DLGAP2: variants seen among roughly 807,000 people sequenced by gnomAD.
DLGAP2 encodes the protein DLG associated protein 2, also known as disks large-associated protein 2.
In DLGAP2, 26 loss-of-function variants were observed where a neutral mutation model predicts 100.3. That is an observed-to-expected ratio of 0.26 (90% confidence interval 0.19 to 0.36). The LOEUF (loss-of-function observed/expected upper bound fraction) is 0.36. Among genes scored for constraint, DLGAP2 ranks in the 10% least tolerant of loss-of-function variants. The pLI is 1.00. For synonymous variants in DLGAP2, 886 were observed against 630.1 expected (o/e 1.41, Z -6.08); for missense variants, 1,858 against 1,453.2 (o/e 1.28, Z -4.53).
intron 6 of DLGAP2, among the ~76,000 whole-genome samples, chr8:1,588,412 A>C (rs2130662678): frequency 6.6e-6 from 1 of 152,346 alleles, no homozygotes; most frequent in Admixed American, 6.5e-5. Context: ...AGTTTTACTA[A>C]ACAGCTCATC....
intron 2 of DLGAP2, among the ~76,000 whole-genome samples, chr8:1,221,587 C>G (rs1369579053): frequency 6.6e-6 from 1 of 151,986 alleles, no homozygotes; most frequent in Non-Finnish European, 1.5e-5. Context: ...GGATTGTCGT[C>G]TTGTATATTA....
chr8:920,171 G>A (rs1439809468), intron 2 of DLGAP2, among the ~76,000 whole-genome samples: 1 of 152,240 alleles, frequency 6.6e-6, no homozygotes, highest in African/African-American at 2.4e-5. Context: ...GACCACGCAT[G>A]TCATCCAACA....
chr8:1,501,507 C>T lies in DLGAP2; in HGVS notation c.172+76C>T, dbSNP rs1047808404. On this transcript the variant is annotated intron_variant, in intron 4 of 14. Transcript: ENST00000637795. Reference sequence around the variant, plus strand: ...CATGCTCCGGGCACCTCCCATCATGCGGACCGTCCCACAAACACACGTTAG... The same window carrying T: ...CATGCTCCGGGCACCTCCCATCATGTGGACCGTCCCACAAACACACGTTAG... 1.7e-4 allele frequency: 228 copies of T among 1,381,464 alleles called. 1 individual carries two copies. The African/African-American group carries it at 3.1e-3, about 19-fold the overall frequency. 85.6% of individuals were successfully genotyped at this position (1,381,464 alleles called of 1,614,324 possible).
chr8:1,235,190 C>G (rs1447107531), intron 2 of DLGAP2, among the ~76,000 whole-genome samples: 1 of 119,306 alleles, frequency 8.4e-6, no homozygotes, highest in Non-Finnish European at 1.8e-5. Context: ...GTCTGCTTCC[C>G]TCACACATGG....
At chr8:1,322,825 A>T (rs931042104) in intron 3 of DLGAP2, among the ~76,000 whole-genome samples, 1 of 152,154 alleles carries the variant, frequency 6.6e-6, no homozygotes, top group Non-Finnish European at 1.5e-5. Context: ...TTTCCTCTTT[A>T]ATGGTCCTAT....
intron 2 of DLGAP2, among the ~76,000 whole-genome samples, chr8:965,380 C>T (rs1471068188): frequency 1.5e-5 from 1 of 66,698 alleles, no homozygotes; most frequent in African/African-American, 7.0e-5. Context: ...GCGCTGTACA[C>T]GGCACTGTTC....
At chr8:744,485 T>A (rs965540936) in intron 1 of DLGAP2, among the ~76,000 whole-genome samples, 1 of 151,954 alleles carries the variant, frequency 6.6e-6, no homozygotes, top group African/African-American at 2.4e-5. Flanking sequence ...CTCCCTCTTC[T>A]CCGGCCACGT....
chr8:1,429,464 G>C (rs1797345368), intron 3 of DLGAP2, among the ~76,000 whole-genome samples: 1 of 152,140 alleles, frequency 6.6e-6, no homozygotes, highest in African/African-American at 2.4e-5. Flanking sequence ...ACTAAACAAA[G>C]TACAGGAGAC....
At chr8:1,636,022 C>T (rs1484421747) in intron 8 of DLGAP2, among the ~76,000 whole-genome samples, 1 of 152,168 alleles carries the variant, frequency 6.6e-6, no homozygotes, top group Non-Finnish European at 1.5e-5. Flanking sequence ...TTCCTTCGTC[C>T]CACCGTTTCT....
chr8:1,647,922 G>T (rs949645814), intron 8 of DLGAP2, among the ~76,000 whole-genome samples: 8 of 152,106 alleles, frequency 5.3e-5, no homozygotes, highest in Non-Finnish European at 1.0e-4. Flanking sequence ...GCGTAAGGAA[G>T]TTCCCTAGGA....
At chr8:1,441,788 T>TG (rs1437289752) in intron 3 of DLGAP2, among the ~76,000 whole-genome samples, 1 of 150,924 alleles carries the variant, frequency 6.6e-6, no homozygotes, top group African/African-American at 2.4e-5. Flanking sequence ...TTGACCAGTT[T>TG]TTTTTTTTTT....
At chr8:909,785 G>A (rs531074563) in intron 2 of DLGAP2, among the ~76,000 whole-genome samples, 4 of 152,344 alleles carry the variant, frequency 2.6e-5, no homozygotes, top group Non-Finnish European at 5.9e-5. Context: ...AAAAGTGTAA[G>A]TCCATGCAGA....
At chr8:1,589,237 C>G (rs553444215) in intron 6 of DLGAP2, among the ~76,000 whole-genome samples, 1 of 152,322 alleles carries the variant, frequency 6.6e-6, no homozygotes, top group African/African-American at 2.4e-5. Flanking sequence ...TCTAGGCCCC[C>G]TAGCAACCTA....
intron 2 of DLGAP2, among the ~76,000 whole-genome samples, chr8:973,230 G>A (rs1297776823): frequency 6.6e-6 from 1 of 151,002 alleles, no homozygotes; most frequent in East Asian, 2.0e-4. Context: ...CCCAGACGGG[G>A]CGGCTGGCCG....
rs75762137 is a variant in DLGAP2 at position 1,327,164 on chromosome 8, G to A, written c.106+68281G>A. 4.5e-4 allele frequency among the ~76,000 whole-genome samples: 68 copies of A among 152,336 alleles called. 1 individual carries two copies. Among genetic ancestry groups the A allele is most frequent in the Non-Finnish European group, 3.7e-4 (25 of 68,038 alleles). On this transcript the variant is annotated intron_variant, in intron 3 of 14. Coordinates refer to ENST00000637795, the MANE Select transcript of DLGAP2 (RefSeq NM_001346810.2). ...CTGAGCGAGATTACAGTTCCGAGGC[G>A]TCTCACATTTCACCATTTAGGACGT...
intron 2 of DLGAP2, among the ~76,000 whole-genome samples, chr8:1,059,229 G>T (rs1018902499): frequency 6.6e-5 from 10 of 151,992 alleles, no homozygotes; most frequent in African/African-American, 2.4e-4. Flanking sequence ...TCACCAGCTG[G>T]GCCTCATCCC....
At chr8:1,700,898 A>G (rs4876122) in intron 14 of DLGAP2, among the ~76,000 whole-genome samples, 1 of 152,128 alleles carries the variant, frequency 6.6e-6, no homozygotes, top group Non-Finnish European at 1.5e-5. Context: ...GACTGCAGAG[A>G]CGCAAGGTGC....
At chr8:1,249,736 A>T (rs1025223553) in intron 2 of DLGAP2, among the ~76,000 whole-genome samples, 2 of 152,216 alleles carry the variant, frequency 1.3e-5, no homozygotes, top group African/African-American at 4.8e-5. Context: ...ATATAAAAAT[A>T]AACTATTGAT....
At chr8:1,049,397 G>A (rs1802608043) in intron 2 of DLGAP2, among the ~76,000 whole-genome samples, 1 of 152,070 alleles carries the variant, frequency 6.6e-6, no homozygotes, top group African/African-American at 2.4e-5. Context: ...AGTGCCACCT[G>A]GGTAGGAACA....
Sources: gnomAD v4.1 joint callset for allele counts (sites outside exome capture counted in the v4.1 genomes callset) on GRCh38, gnomAD v4.1.1 for gene constraint, MANE v1.5 for transcripts, NCBI Gene and HGNC (gene_info 2026-07-23, HGNC 2026-07-21) for gene names.